KCNH1: variants seen among roughly 807,000 people sequenced by gnomAD.
KCNH1 encodes the protein voltage-gated delayed rectifier potassium channel KCNH1.
KCNH1 carries 27 observed loss-of-function variants against 69.2 expected under a neutral mutation model. The observed-to-expected ratio is 0.39, with a 90% confidence interval of 0.29 to 0.54. The LOEUF is 0.54. KCNH1 is among the 20% of genes least tolerant of loss of function. The probability of loss-of-function intolerance (pLI) is 0.68; values close to 1 mark genes in which losing one functional copy is unlikely to be tolerated. For synonymous variants in KCNH1, 456 were observed against 487.7 expected (o/e 0.93, Z 0.86); for missense variants, 798 against 1,261.6 (o/e 0.63, Z 5.57).
At chr1:210,920,918 G>A (rs1300315763) in intron 6 of KCNH1, among the ~76,000 whole-genome samples, 5 of 152,152 alleles carry the variant, frequency 3.3e-5, no homozygotes, top group Non-Finnish European at 7.4e-5. Context: ...CCTTCTGGCT[G>A]GCATCCACTG....
chr1:210,696,308 C>T (rs568219916), intron 10 of KCNH1, among the ~76,000 whole-genome samples: 14 of 152,320 alleles, frequency 9.2e-5, no homozygotes, highest in Admixed American at 2.0e-4. Flanking sequence ...TGCCCTTTTG[C>T]GCTCCCAGCA....
chr1:210,777,163 C>T (rs1338720780), intron 9 of KCNH1, among the ~76,000 whole-genome samples: 2 of 152,164 alleles, frequency 1.3e-5, no homozygotes, highest in African/African-American at 4.8e-5. Context: ...CTGATTAAAG[C>T]TAAGGAGGTA....
intron 10 of KCNH1, among the ~76,000 whole-genome samples, chr1:210,685,473 G>A (rs565873959): frequency 2.6e-5 from 4 of 152,328 alleles, no homozygotes; most frequent in African/African-American, 9.6e-5. Flanking sequence ...GGAGGCACAC[G>A]TGGTGGCATG....
intron 1 of KCNH1, among the ~76,000 whole-genome samples, chr1:211,129,125 T>G (rs1691832928): frequency 6.6e-6 from 1 of 152,122 alleles, no homozygotes; most frequent in Non-Finnish European, 1.5e-5. Context: ...TTTCTCTTTC[T>G]CAACAGTTAC....
chr1:210,737,323 G>C (rs1040022335), intron 10 of KCNH1, among the ~76,000 whole-genome samples: 2 of 152,132 alleles, frequency 1.3e-5, no homozygotes, highest in African/African-American at 4.8e-5. Flanking sequence ...AGATTTCTGT[G>C]GTCTGGGTGT....
chr1:210,718,346 G>T (rs866021006), intron 10 of KCNH1, among the ~76,000 whole-genome samples: 2 of 5,786 alleles, frequency 3.5e-4, no homozygotes, highest in African/African-American at 4.8e-4. Flanking sequence ...ATGTATATAT[G>T]TATATATACA....
intron 2 of KCNH1, 136 bp downstream of exon 2, chr1:211,107,118 G>C: frequency 1.1e-6 from 1 of 897,524 alleles, no homozygotes; most frequent in Non-Finnish European, 1.8e-6. Context: ...ATGAACTAGA[G>C]ATGATATGGC....
intron 6 of KCNH1, among the ~76,000 whole-genome samples, chr1:211,003,460 G>A (rs542670563): frequency 6.6e-5 from 10 of 152,182 alleles, no homozygotes; most frequent in African/African-American, 2.4e-4. Context: ...TCATGTTAGG[G>A]GTGATAAAGC....
rs908699888 is a variant in KCNH1 at position 210,684,039 on chromosome 1, G to A, written c.2212C>T (p.Arg738Trp). The change falls in exon 11 of 11, where the codon CGG becomes TGG. Residue 738 changes from arginine to tryptophan, a missense_variant. Around this residue, in one of 4 missense-constraint regions of KCNH1, gnomAD observed 331 missense variants for 363.2 expected, o/e 0.91. Transcript: ENST00000271751. ...TGTCGGAATCTCTGGAAGAGGCGCC[G>A]GACAGGGTGGTCCGGGGGCAAGATC... ...PLILPPDHPV[R>W]RLFQRFRQQK... is the part of the protein sequence containing the mutation. 4.5e-6 allele frequency: 7 copies of A among 1,568,598 alleles called. No individual in the cohort carries two copies. Among genetic ancestry groups the A allele is most frequent in the East Asian group, 4.5e-5 (2 of 44,172 alleles).
At chr1:210,994,673 T>G (rs970322992) in intron 6 of KCNH1, among the ~76,000 whole-genome samples, 4 of 152,202 alleles carry the variant, frequency 2.6e-5, no homozygotes, top group African/African-American at 7.2e-5. Context: ...AAAATAATTA[T>G]GTAGGCCAGG....
chr1:211,131,030 G>A (rs1185343470), intron 1 of KCNH1, among the ~76,000 whole-genome samples: 3 of 152,112 alleles, frequency 2.0e-5, no homozygotes, highest in African/African-American at 7.2e-5. Flanking sequence ...GGTAACATGA[G>A]GAAAGGGTTT....
chr1:210,862,162 TG>T, intron 7 of KCNH1: 1 of 1,349,458 alleles, frequency 7.4e-7, no homozygotes, highest in Non-Finnish European at 1.1e-6. Flanking sequence ...CATAGTAATC[TG>T]GAGCAGCGTT....
chr1:210,784,128 A>C (rs2102382904), intron 9 of KCNH1, among the ~76,000 whole-genome samples: 1 of 152,346 alleles, frequency 6.6e-6, no homozygotes, highest in South Asian at 2.1e-4. Context: ...TGCCAGGTTC[A>C]GGTGCCCAGC....
chr1:210,952,106 C>T (rs1395517976), intron 6 of KCNH1, among the ~76,000 whole-genome samples: 2 of 152,134 alleles, frequency 1.3e-5, no homozygotes, highest in Non-Finnish European at 2.9e-5. Flanking sequence ...CTTGGTCTTC[C>T]TCTCTGTCTC....
At chr1:210,755,984 C>A (rs762971452) in intron 10 of KCNH1, among the ~76,000 whole-genome samples, 1 of 152,168 alleles carries the variant, frequency 6.6e-6, no homozygotes, top group African/African-American at 2.4e-5. Flanking sequence ...TGCTTGAAAT[C>A]GTGACTTTAC....
chr1:210,980,360 G>A (rs1317020206), intron 6 of KCNH1, among the ~76,000 whole-genome samples: 1 of 152,138 alleles, frequency 6.6e-6, no homozygotes, highest in African/African-American at 2.4e-5. Flanking sequence ...CTGATAACAG[G>A]ATTTGCTGCC....
intron 7 of KCNH1, chr1:210,859,691 T>C (rs1376961344): frequency 2.9e-5 from 37 of 1,265,290 alleles, no homozygotes; most frequent in Non-Finnish European, 4.2e-5. Flanking sequence ...AATAAAAGGA[T>C]AAAAGCTGGC....
At chr1:211,052,475 C>T (rs1690225731) in intron 5 of KCNH1, among the ~76,000 whole-genome samples, 1 of 152,192 alleles carries the variant, frequency 6.6e-6, no homozygotes, top group Admixed American at 6.5e-5. Context: ...AGTAGAAGCT[C>T]CTGTTGCCAA....
rs536321653 is a variant in KCNH1 at position 210,862,681 on chromosome 1, CT to C, written c.1462+56958del. Among the ~76,000 whole-genome samples, 544 of 152,270 alleles carry C rather than the reference CT, an allele frequency of 3.6e-3. 4 individuals are homozygous for C. The highest frequency in any genetic ancestry group is 0.013 in the African/African-American group (524 of 41,550). ...AGGATTGAAAAACAATTCCTTTTTG[CT>C]TTGCTCAAAATAAGTATTTATGAGC... On this transcript the variant is annotated intron_variant, in intron 7 of 10. Transcript: ENST00000271751.
Sources: gnomAD v4.1 joint callset for allele counts (sites outside exome capture counted in the v4.1 genomes callset) on GRCh38, gnomAD v4.1.1 for gene constraint, gnomAD v4.1.1 regional missense constraint, MANE v1.5 for transcripts, NCBI Gene and HGNC (gene_info 2026-07-23, HGNC 2026-07-21) for gene names.